Variants in SAMD4B observed in about 807,000 individuals in gnomAD.
SAMD4B encodes the protein sterile alpha motif domain containing 4B, also known as protein Smaug homolog 2.
In SAMD4B, 5 loss-of-function variants were observed where a neutral mutation model predicts 74.5. The observed-to-expected ratio is 0.07, with a 90% CI of 0.04 to 0.14. The LOEUF (loss-of-function observed/expected upper bound fraction) is 0.14. Among genes scored for constraint, SAMD4B ranks in the 10% least tolerant of loss-of-function variants. The pLI is 1.00. For missense variants in SAMD4B, 608 were observed against 921.8 expected (o/e 0.66, Z 4.41); for synonymous variants, 373 against 374.9 (o/e 1.00, Z 0.06).
chr19:39,377,827 G>A lies in SAMD4B; in HGVS notation c.1444+3G>A. ...GTTTACACGGGTGATGGGCAAAGGT[G>A]AGACCAGCCACAGCCTAGCAGGAAA... On this transcript the variant is annotated splice_donor_region_variant and intron_variant, in intron 8 of 13. Transcript: ENST00000610417. 1.3e-6 allele frequency: 2 copies of A among 1,578,562 alleles called. No individual in the cohort carries two copies. The highest frequency in any genetic ancestry group is 1.7e-6 in the Non-Finnish European group (2 of 1,159,010).
chr19:39,388,213 C>T, downstream of SAMD4B: 1 of 884,356 alleles, frequency 1.1e-6, no homozygotes, highest in Non-Finnish European at 1.8e-6. Flanking sequence ...CAGACATCTG[C>T]TGCTCTTGTT....
chr19:39,381,327 G>C, intron 12 of SAMD4B: 1 of 533,256 alleles, frequency 1.9e-6, no homozygotes, highest in Non-Finnish European at 3.3e-6. Context: ...ACCCCTCTGA[G>C]TCATCATCTC....
At chr19:39,348,825 T>C (rs1336692931) in intron 1 of SAMD4B, among the ~76,000 whole-genome samples, 1 of 152,066 alleles carries the variant, frequency 6.6e-6, no homozygotes, top group Non-Finnish European at 1.5e-5. Context: ...AGTGAAGATG[T>C]AGAGAAGCAG....
chr19:39,379,151 G>GT (rs1191544780), intron 9 of SAMD4B, among the ~76,000 whole-genome samples: 4 of 151,436 alleles, frequency 2.6e-5, no homozygotes, highest in Non-Finnish European at 2.9e-5. Context: ...GCCTCCCAAA[G>GT]TGCTGAGATT....
intron 3 of SAMD4B, among the ~76,000 whole-genome samples, chr19:39,360,312 G>A (rs1195941510): frequency 2.0e-5 from 3 of 152,184 alleles, no homozygotes; most frequent in Admixed American, 6.5e-5. Context: ...GGATATTGGT[G>A]GTAATGCCTA....
At chr19:39,356,562 C>A in intron 2 of SAMD4B, 127 bp from the exon 3 acceptor site, 1 of 192,182 alleles carries the variant, frequency 5.2e-6, no homozygotes, top group Non-Finnish European at 1.1e-5. Context: ...CATGTTTCTT[C>A]CAGGAGCTCA....
intron 1 of SAMD4B, among the ~76,000 whole-genome samples, chr19:39,353,397 T>C (rs1282368060): frequency 6.6e-6 from 1 of 152,170 alleles, no homozygotes; most frequent in Non-Finnish European, 1.5e-5. Context: ...TTCTCCAAGA[T>C]AGTGTTAGCA....
chr19:39,344,844 C>T (rs947191623), intron 1 of SAMD4B, among the ~76,000 whole-genome samples: 4 of 152,268 alleles, frequency 2.6e-5, no homozygotes, highest in South Asian at 2.1e-4. Flanking sequence ...TGCTCATAGA[C>T]CCCTCTTCCC....
rs775855268 is a variant in SAMD4B, at chr19:39,369,963, C to T, written c.505C>T (p.Arg169Cys). Reference protein sequence around the residue: ...RSRPEPSYHSRQGSDEWGGPA... With the variant: ...RSRPEPSYHSCQGSDEWGGPA... Reference sequence around the variant, plus strand: ...CCGGCCAGAGCCCTCCTACCATTCACGTCAAGGCTCAGATGAGTGGGGGGG... The same window carrying T: ...CCGGCCAGAGCCCTCCTACCATTCATGTCAAGGCTCAGATGAGTGGGGGGG... The change falls in exon 4 of 14, where the codon CGT becomes TGT. Residue 169 changes from arginine (R) to cysteine (C), a missense_variant. Transcript: ENST00000610417. 13 of 1,613,660 alleles carry T rather than the reference C, an allele frequency of 8.1e-6. No homozygotes were observed. The highest frequency in any genetic ancestry group is 6.7e-5 in the East Asian group (3 of 44,878).
Position 39,377,726 on chromosome 19 carries a change from C to T in SAMD4B, c.1346C>T (p.Pro449Leu), listed in dbSNP as rs1264922539. The change falls in exon 8 of 14, where the codon CCT (proline) becomes CTT (leucine). Residue 449 changes from proline (P) to leucine (L), a missense_variant. By Grantham distance (98) the Pro-to-Leu change is moderately conservative (BLOSUM62 -3). Transcript: ENST00000610417. ...CCTCCAGCTGTGGAGAACTACCCAC[C>T]TCCACCAGCTCCAGCTCCCACTGAT... ...KDPPAVENYPPPPAPAPTDGS... is the reference protein window; with the variant it reads ...KDPPAVENYPLPPAPAPTDGS... 9.9e-6 allele frequency: 16 copies of T among 1,614,144 alleles called. No homozygotes were observed. Among genetic ancestry groups the T allele is most frequent in the Admixed American group, 1.7e-5 (1 of 60,014 alleles).
In SAMD4B at chr19:39,383,057, C is replaced by T. The variant is rs1315078616; in HGVS notation, c.1973-151C>T. Reference sequence around the variant, plus strand: ...TCCTCTGCCTGTTGTGTGACACGCTCGCCTCTCTCCCTGTCCACCTCCTCC... The same window carrying T: ...TCCTCTGCCTGTTGTGTGACACGCTTGCCTCTCTCCCTGTCCACCTCCTCC... On this transcript the variant is annotated intron_variant, in intron 12 of 13. Coordinates refer to ENST00000610417, the MANE Select transcript of SAMD4B (RefSeq NM_001384574.2). The surrounding 1 kb of genome is among the most constrained non-coding windows in gnomAD (Gnocchi z 4.1). 6 of 689,988 alleles carry T rather than the reference C, an allele frequency of 8.7e-6. No homozygotes were observed. The highest frequency in any genetic ancestry group is 2.7e-5 in the East Asian group (1 of 37,454). The allele number at this position is 689,988 out of a possible 1,614,324, so 42.7% of individuals were successfully genotyped here.
intron 11 of SAMD4B, 59 bp from the exon 12 acceptor site, chr19:39,380,931 C>A: frequency 6.4e-7 from 1 of 1,552,942 alleles, no homozygotes; most frequent in Non-Finnish European, 8.7e-7. Flanking sequence ...ACCTCCACCA[C>A]TCTTGGGTCT....
chr19:39,344,316 CAT>C (rs2075557597), intron 1 of SAMD4B, among the ~76,000 whole-genome samples: 1 of 152,138 alleles, frequency 6.6e-6, no homozygotes, highest in Admixed American at 6.5e-5. Context: ...CCGCCTTCCC[CAT>C]ATACTCTTTT....
At chr19:39,351,877 C>A (rs2076062636) in intron 1 of SAMD4B, 1 of 152,226 alleles carries the variant, frequency 6.6e-6, no homozygotes, top group Non-Finnish European at 1.5e-5. Flanking sequence ...ATGTCCACTT[C>A]TGGAGCCAAG....
chr19:39,374,643 C>A (rs2077498477), intron 4 of SAMD4B, among the ~76,000 whole-genome samples: 1 of 152,054 alleles, frequency 6.6e-6, no homozygotes, highest in African/African-American at 2.4e-5. Flanking sequence ...AGATTGAGAC[C>A]ATCCTGGCCA....
intron 3 of SAMD4B, among the ~76,000 whole-genome samples, chr19:39,366,054 C>T (rs945988704): frequency 7.9e-5 from 12 of 152,122 alleles, no homozygotes; most frequent in Non-Finnish European, 1.2e-4. Context: ...CGGTGGCTAA[C>T]GCCTATAATC....
downstream of SAMD4B, chr19:39,386,124 C>G (rs754741270): frequency 1.9e-6 from 3 of 1,614,134 alleles, no homozygotes; most frequent in East Asian, 6.7e-5. The surrounding 1 kb of genome is among the most constrained non-coding windows in gnomAD (Gnocchi z 6.1). Flanking sequence ...CTGGCCACCC[C>G]CATTGCTGCC....
rs149437639 is a variant in SAMD4B, at chr19:39,356,338, C to A, written c.-205-351C>A. Among the ~76,000 whole-genome samples the A allele has an allele frequency of 2.4e-4, 37 of 152,302 alleles. 1 individual carries two copies. The South Asian group carries it at 5.6e-3, about 23-fold the overall frequency. On this transcript the variant is annotated intron_variant, in intron 2 of 13. Coordinates refer to ENST00000610417, the MANE Select transcript of SAMD4B (RefSeq NM_001384574.2). ...GGGCCAGATCGCCATCAATTCATAT[C>A]TTTTCTCATAATTTGCAGCCTACTA...
chr19:39,371,387 G>A (rs1381259263), intron 4 of SAMD4B, among the ~76,000 whole-genome samples: 1 of 152,140 alleles, frequency 6.6e-6, no homozygotes, highest in Non-Finnish European at 1.5e-5. Context: ...GTGAGAACCT[G>A]GGAAGATAGA....
Sources: gnomAD v4.1 joint callset for allele counts (sites outside exome capture counted in the v4.1 genomes callset) on GRCh38, gnomAD v4.1.1 for gene constraint, Gnocchi (gnomAD v3.1) non-coding constraint, MANE v1.5 for transcripts, NCBI Gene and HGNC (gene_info 2026-07-23, HGNC 2026-07-21) for gene names.